The following PAK1 variants were observed in gnomAD, a reference collection of about 807,000 sequenced individuals.
PAK1 encodes the protein serine/threonine-protein kinase PAK 1.
In PAK1, 29 loss-of-function variants were observed where a neutral mutation model predicts 67.4. That is an observed-to-expected ratio of 0.43 (90% CI 0.32 to 0.59). The LOEUF is 0.59. Among genes scored for constraint, PAK1 ranks in the 20% least tolerant of loss-of-function variants. The probability of loss-of-function intolerance (pLI) is 0.07; values close to 1 mark genes in which losing one functional copy is unlikely to be tolerated. For synonymous variants in PAK1, 223 were observed against 237.4 expected, an observed-to-expected ratio of 0.94 and a Z score of 0.56; for missense variants, 337 against 670.7, an observed-to-expected ratio of 0.50 and a Z score of 5.50.
Position 77,336,077 on chromosome 11 carries a change from AAC to A in PAK1, c.1413+7_1413+8del, listed in dbSNP as rs1399134396. 3.2e-6 allele frequency: 5 copies of A among 1,551,508 alleles called. No homozygotes were observed. Among genetic ancestry groups the A allele is most frequent in the Non-Finnish European group, 4.4e-6 (5 of 1,127,050 alleles). On this transcript the variant is annotated splice_region_variant and intron_variant, in intron 13 of 14. Coordinates refer to ENST00000356341, the MANE Select transcript of PAK1 (RefSeq NM_002576.5). The stretch of plus-strand genomic sequence containing the variant: ...CCAAATAACTTGAAATAGAACTGGT[AAC>A]ACTCACTCTCAGAGGGTTTTCATTG...
rs1945932803 is a variant in PAK1, at chr11:77,355,672, T to C, written c.768A>G (p.Lys256=). The part of the protein sequence containing the change: ...PKMSDEEILE[K]LRSIVSVGDP... ...AGAAAGCTACAAATTCCTTACGTAA[T>C]TTCTCCAAGATCTCCTCATCAGACA... is the stretch of plus-strand genomic sequence containing the variant. The change falls in exon 7 of 15, where the codon AAA becomes AAG. Residue 256 remains lysine (K), a synonymous_variant. Coordinates refer to ENST00000356341, the MANE Select transcript of PAK1 (RefSeq NM_002576.5). The C allele has an allele frequency of 6.2e-7, 1 of 1,612,122 alleles. No individual in the cohort carries two copies. The highest frequency in any genetic ancestry group is 1.3e-5 in the African/African-American group (1 of 74,926).
At chr11:77,326,428 T>C (rs767006308) in intron 14 of PAK1, among the ~76,000 whole-genome samples, 14 of 152,192 alleles carry the variant, frequency 9.2e-5, no homozygotes, top group Non-Finnish European at 1.8e-4. Context: ...GCATGGTGGC[T>C]GATGCCATGC....
chr11:77,470,234 C>T (rs1204028919), intron 1 of PAK1, among the ~76,000 whole-genome samples: 3 of 152,138 alleles, frequency 2.0e-5, no homozygotes, highest in Non-Finnish European at 4.4e-5. Flanking sequence ...AAGCCCATGA[C>T]CTCTTAAAAT....
At chr11:77,364,763 T>C (rs1283460994) in intron 5 of PAK1, among the ~76,000 whole-genome samples, 10 of 152,140 alleles carry the variant, frequency 6.6e-5, no homozygotes, top group Admixed American at 5.2e-4. Flanking sequence ...AACTCAGATA[T>C]AAATACATTC....
At chr11:77,351,523 T>A (rs1254960597) in intron 8 of PAK1, among the ~76,000 whole-genome samples, 4 of 152,126 alleles carry the variant, frequency 2.6e-5, no homozygotes, top group Non-Finnish European at 5.9e-5. Context: ...AAAATAATTT[T>A]TTTCTCAAGG....
At position 77,355,819 on chromosome 11, in the gene PAK1, T is replaced by A. The variant is rs1348053573; in HGVS notation, c.621A>T (p.Glu207Asp). The A allele has an allele frequency of 6.2e-7, 1 of 1,613,548 alleles. No individual in the cohort carries two copies. Among genetic ancestry groups the A allele is most frequent in the South Asian group, 1.1e-5 (1 of 91,068 alleles). ...TKSVYTRSVI[E>D]PLPVTPTRDV... is the part of the protein sequence containing the mutation. ...CCCGAGTTGGAGTGACAGGAAGTGG[T>A]TCAATCACAGACCGTGTGTATACCT... The change falls in exon 7 of 15, where the codon GAA becomes GAT. Residue 207 changes from glutamate (E) to aspartate (D), a missense_variant. Glu to Asp is a conservative substitution (Grantham distance 45, BLOSUM62 2). This residue lies in a region of PAK1 where 150 missense variants were observed against 179.0 expected (regional missense o/e 0.84). Transcript: ENST00000356341.
At chr11:77,409,499 T>C (rs2137973483) in intron 1 of PAK1, among the ~76,000 whole-genome samples, 1 of 152,264 alleles carries the variant, frequency 6.6e-6, no homozygotes, top group Middle Eastern at 3.4e-3. Context: ...CACACTCCCA[T>C]GAATCCTGTA....
At chr11:77,366,970 TA>T (rs1947678306) in intron 5 of PAK1, among the ~76,000 whole-genome samples, 1 of 152,110 alleles carries the variant, frequency 6.6e-6, no homozygotes, top group African/African-American at 2.4e-5. Flanking sequence ...AGAAGATAAA[TA>T]AAATGTAGTG....
intron 8 of PAK1, among the ~76,000 whole-genome samples, chr11:77,351,889 T>A (rs947284928): frequency 2.0e-5 from 3 of 151,976 alleles, no homozygotes; most frequent in Non-Finnish European, 2.9e-5. Context: ...CATTTTTTTT[T>A]TATAGAGAGG....
At chr11:77,517,381 A>G in the PAK1 span, among the ~76,000 whole-genome samples, 1 of 152,250 alleles carries the variant, frequency 6.6e-6, no homozygotes, top group Non-Finnish European at 1.5e-5. Context: ...CTGTGTAAAA[A>G]GGAAGGGGCA....
the PAK1 span, among the ~76,000 whole-genome samples, chr11:77,495,175 T>A: frequency 7.1e-4 from 99 of 139,072 alleles, no homozygotes; most frequent in South Asian, 3.5e-3. Flanking sequence ...AAAAAAAAAA[T>A]TTTTTTTTAA....
At chr11:77,524,025 T>A in the PAK1 span, among the ~76,000 whole-genome samples, 1 of 152,198 alleles carries the variant, frequency 6.6e-6, no homozygotes, top group African/African-American at 2.4e-5. Context: ...CAGAGAGATG[T>A]GCAATGTACT....
At chr11:77,455,187 T>G (rs960886529) in intron 1 of PAK1, among the ~76,000 whole-genome samples, 2 of 152,126 alleles carry the variant, frequency 1.3e-5, no homozygotes, top group African/African-American at 4.8e-5. Flanking sequence ...TGATACACAA[T>G]TTGGTACTAG....
At chr11:77,426,632 T>C (rs559993508) in intron 1 of PAK1, among the ~76,000 whole-genome samples, 3 of 152,238 alleles carry the variant, frequency 2.0e-5, no homozygotes, top group East Asian at 3.9e-4. Context: ...ACCAGGCAGA[T>C]GGAATAGTGC....
intron 2 of PAK1, among the ~76,000 whole-genome samples, chr11:77,384,063 A>G (rs1459486670): frequency 6.6e-6 from 1 of 152,200 alleles, no homozygotes; most frequent in African/African-American, 2.4e-5. Flanking sequence ...TCTGGAGAAG[A>G]TAATACCTGA....
At chr11:77,417,924 T>TG (rs1376723145) in intron 1 of PAK1, among the ~76,000 whole-genome samples, 1 of 151,746 alleles carries the variant, frequency 6.6e-6, no homozygotes, top group Non-Finnish European at 1.5e-5. Context: ...TTAGTAGAGA[T>TG]GGGGTTTCAC....
At chr11:77,422,947 A>G (rs896258023) in intron 1 of PAK1, among the ~76,000 whole-genome samples, 2 of 152,178 alleles carry the variant, frequency 1.3e-5, no homozygotes, top group African/African-American at 2.4e-5. Context: ...AAAGGCTGGC[A>G]GAGTAGAAAA....
chr11:77,457,736 A>G lies in PAK1; in HGVS notation c.-22+15816T>C, dbSNP rs1482999416. On this transcript the variant is annotated intron_variant, in intron 1 of 14. Transcript: ENST00000356341. ...ATCTCAATCTCCAGGAAGAATTACA[A>G]TGAGAATAACAGCTACTGAGGCAGA... 3.9e-5 allele frequency among the ~76,000 whole-genome samples: 6 copies of G among 152,344 alleles called. No homozygotes were observed. In the East Asian group the frequency reaches 1.2e-3, roughly 29 times the overall value.
intron 9 of PAK1, chr11:77,346,912 C>T: frequency 2.4e-6 from 1 of 419,868 alleles, no homozygotes; most frequent in Non-Finnish European, 4.7e-6. Flanking sequence ...TCTAAAAACA[C>T]ACTTGAAAAA....
Sources: gnomAD v4.1 joint callset for allele counts (sites outside exome capture counted in the v4.1 genomes callset) on GRCh38, gnomAD v4.1.1 for gene constraint, gnomAD v4.1.1 regional missense constraint, MANE v1.5 for transcripts, NCBI Gene and HGNC (gene_info 2026-07-23, HGNC 2026-07-21) for gene names.